Variants in ATP2C1 observed in about 807,000 individuals in gnomAD.
The protein encoded by ATP2C1 is calcium-transporting ATPase type 2C member 1.
ATP2C1 carries 31 observed loss-of-function variants against 120.5 expected under a neutral mutation model. The observed-to-expected ratio is 0.26, with a 90% confidence interval of 0.19 to 0.35. The LOEUF (loss-of-function observed/expected upper bound fraction) is 0.35. ATP2C1 is among the 10% of genes least tolerant of loss of function. ATP2C1 has a pLI of 1.00. For synonymous variants in ATP2C1, 351 were observed against 358.7 expected (o/e 0.98, Z 0.24); for missense variants, 731 against 1,107.5 (o/e 0.66, Z 4.83).
At chr3:130,898,654 T>C (rs2107957401) in intron 2 of ATP2C1, among the ~76,000 whole-genome samples, 1 of 152,292 alleles carries the variant, frequency 6.6e-6, no homozygotes, top group Non-Finnish European at 1.5e-5. Context: ...CTTCTGACAG[T>C]TGGATTCCAA....
chr3:131,016,174 G>A lies in ATP2C1; in HGVS notation c.2652G>A (p.Trp884Ter), dbSNP rs2063625051. 1 of 1,614,046 alleles carries A rather than the reference G, an allele frequency of 6.2e-7. No homozygotes were observed. The highest frequency in any genetic ancestry group is 8.5e-7 in the Non-Finnish European group (1 of 1,180,030). Residue 884 changes from tryptophan to a stop codon, truncating the protein, a stop_gained, in exon 27 of 27, where the codon TGG becomes TGA. Coordinates refer to the ATP2C1 transcript ENST00000328560. LOFTEE classifies it high-confidence loss of function. ...TAGGTCTGGCTCTGGGAGAGGAGTG[G>A]ACAGCAGCTGGTTGAGATACATCCC...
intron 1 of ATP2C1, among the ~76,000 whole-genome samples, chr3:130,870,061 G>A (rs555764857): frequency 6.6e-6 from 1 of 152,306 alleles, no homozygotes; most frequent in South Asian, 2.1e-4. Flanking sequence ...AAAGAATGAT[G>A]CTAAATCTAC....
intron 1 of ATP2C1, among the ~76,000 whole-genome samples, chr3:130,880,839 C>T (rs1299289146): frequency 6.6e-6 from 1 of 152,182 alleles, no homozygotes; most frequent in Admixed American, 6.5e-5. Flanking sequence ...TCTCACTCTC[C>T]AATTTATTAT....
At chr3:130,860,766 CT>C (rs2067988760) in intron 1 of ATP2C1, among the ~76,000 whole-genome samples, 1 of 152,170 alleles carries the variant, frequency 6.6e-6, no homozygotes. Flanking sequence ...TCCTTTCTTA[CT>C]TTTTCCTTCC....
intron 1 of ATP2C1, among the ~76,000 whole-genome samples, chr3:130,880,366 A>G (rs1029509452): frequency 1.1e-4 from 16 of 152,308 alleles, no homozygotes; most frequent in African/African-American, 3.1e-4. Flanking sequence ...GTTCCCACTC[A>G]TAGGAAGTTT....
At chr3:130,933,235 A>C (rs1341980329) in intron 4 of ATP2C1, among the ~76,000 whole-genome samples, 3 of 150,372 alleles carry the variant, frequency 2.0e-5, no homozygotes, top group African/African-American at 7.3e-5. Flanking sequence ...AATAACAGTA[A>C]ATAGTAATCG....
chr3:130,894,093 C>A lies in ATP2C1; in HGVS notation c.-425C>A. 1.0e-6 allele frequency: 1 copy of A among 977,062 alleles called. No individual in the cohort carries two copies. The highest frequency in any genetic ancestry group is 5.3e-4 in the Middle Eastern group (1 of 1,892). 60.5% of individuals were successfully genotyped at this position (977,062 alleles called of 1,614,324 possible). A position where few individuals can be genotyped will look rare whatever the true frequency, so the allele number is the denominator to read the frequency against. On this transcript the variant is annotated 5_prime_UTR_variant, in exon 1 of 28. Coordinates refer to ENST00000510168, the MANE Select transcript of ATP2C1 (RefSeq NM_001378687.1). The surrounding 1 kb of genome is among the most constrained non-coding windows in gnomAD (Gnocchi z 4.5). ...AGTCGGAGGCGGGAGCAGACCAGCA[C>A]GGCCTCGCGGAGCCGGCCCGGCGGA... is the stretch of plus-strand genomic sequence containing the variant.
chr3:130,919,141 G>GC (rs1276569329), intron 2 of ATP2C1: 10 of 306,134 alleles, frequency 3.3e-5, no homozygotes, highest in Non-Finnish European at 6.3e-5. Context: ...GCAGGAGCAC[G>GC]CATCACAGGC....
intron 20 of ATP2C1, among the ~76,000 whole-genome samples, chr3:130,992,172 G>A (rs368416025): frequency 6.6e-5 from 10 of 152,204 alleles, no homozygotes; most frequent in African/African-American, 2.2e-4. Flanking sequence ...GGAGAATAGC[G>A]GATACCGTGT....
intron 1 of ATP2C1, among the ~76,000 whole-genome samples, chr3:130,865,758 G>T (rs1481107813): frequency 6.6e-6 from 1 of 152,060 alleles, no homozygotes; most frequent in Non-Finnish European, 1.5e-5. Context: ...ATGTTTCTGA[G>T]GCCTCCCCAG....
At chr3:130,971,665 A>G (rs1319030918) in intron 17 of ATP2C1, among the ~76,000 whole-genome samples, 4 of 152,170 alleles carry the variant, frequency 2.6e-5, no homozygotes, top group Admixed American at 1.3e-4. Flanking sequence ...GCAGGGAGTA[A>G]GGCATAAGGC....
intron 2 of ATP2C1, among the ~76,000 whole-genome samples, chr3:130,919,841 A>C (rs1023021737): frequency 1.3e-5 from 2 of 152,104 alleles, no homozygotes; most frequent in South Asian, 4.1e-4. Context: ...ATCCTCACCA[A>C]CAGTAGTTGT....
At position 130,894,620 on chromosome 3, in the gene ATP2C1, G is replaced by C; in HGVS notation, c.-150G>C. ...GCTGCTAGGGGTGGTGGGAGCAGCC[G>C]TGGGACGCGTGGCCGGGAGCGGGGG... On this transcript the variant is annotated 5_prime_UTR_variant, in exon 2 of 28. Transcript: ENST00000510168. This position sits in a 1 kb window ranked among gnomAD's most constrained non-coding sequence, Gnocchi z 4.5. 7 of 1,589,532 alleles carry C rather than the reference G, an allele frequency of 4.4e-6. No individual in the cohort carries two copies. The highest frequency in any genetic ancestry group is 6.0e-6 in the Non-Finnish European group (7 of 1,166,866).
chr3:130,914,887 G>A (rs184226634), intron 2 of ATP2C1, among the ~76,000 whole-genome samples: 2 of 152,284 alleles, frequency 1.3e-5, no homozygotes, highest in East Asian at 3.9e-4. Context: ...TTGTGAATAA[G>A]TATGAGAACC....
chr3:130,937,117 C>T (rs2059707710), intron 5 of ATP2C1, among the ~76,000 whole-genome samples: 1 of 152,046 alleles, frequency 6.6e-6, no homozygotes, highest in African/African-American at 2.4e-5. Flanking sequence ...TTAAAACTGA[C>T]TAGTTGAAAA....
At chr3:130,970,369 TAC>T (rs201337484) in intron 17 of ATP2C1, among the ~76,000 whole-genome samples, 3,211 of 130,656 alleles carry the variant, frequency 0.025, 93 homozygotes, top group African/African-American at 0.068. Context: ...AAAAAAAAAT[TAC>T]ACACACACAC....
intron 2 of ATP2C1, among the ~76,000 whole-genome samples, chr3:130,924,147 GTT>G (rs34642144): frequency 1.3e-4 from 19 of 145,876 alleles, no homozygotes; most frequent in Non-Finnish European, 2.0e-4. Context: ...TTTTGTTTTT[GTT>G]TTTTTTTTTC....
upstream of ATP2C1, among the ~76,000 whole-genome samples, chr3:130,891,693 T>C (rs2069173565): frequency 1.3e-5 from 2 of 152,236 alleles, no homozygotes; most frequent in Non-Finnish European, 2.9e-5. Context: ...ATAGTGCTTA[T>C]AATTTGCAAC....
chr3:130,958,138 AACTTTACGATCTCTGGTTATATGTTAGT>A, intron 11 of ATP2C1, among the ~76,000 whole-genome samples: 3 of 152,154 alleles, frequency 2.0e-5, no homozygotes, highest in Non-Finnish European at 4.4e-5. Context: ...AATATGTTTC[AACTTTACGATCTCTGGTTATATGTTAGT>A]ATATTACATT....
Sources: allele counts gnomAD v4.1 joint callset (sites outside exome capture counted in the v4.1 genomes callset), GRCh38; gene constraint gnomAD v4.1.1; non-coding constraint Gnocchi (gnomAD v3.1); transcripts MANE v1.5; gene names NCBI Gene and HGNC (gene_info 2026-07-23, HGNC 2026-07-21).